MAP3K15: variants seen among roughly 807,000 people sequenced by gnomAD.
The protein encoded by MAP3K15 is MAPK/ERK kinase kinase 15.
MAP3K15 carries 124 observed loss-of-function variants against 99.5 expected under a neutral mutation model. The ratio of observed to expected loss-of-function variants is 1.25; its 90% confidence interval spans 1.08 to 1.45. The LOEUF (loss-of-function observed/expected upper bound fraction) is 1.45, where lower values mean the gene tolerates loss of function less well. Ranked by LOEUF, MAP3K15 falls within the 40% of genes most tolerant of loss-of-function variation. The probability of loss-of-function intolerance (pLI) is 0.00; values close to 1 mark genes in which losing one functional copy is unlikely to be tolerated. For synonymous variants in MAP3K15, 494 were observed against 439.6 expected, an observed-to-expected ratio of 1.12 and a Z score of -1.55; for missense variants, 1,242 against 1,079.7, an observed-to-expected ratio of 1.15 and a Z score of -2.11.
intron 28 of MAP3K15, 95 bp downstream of exon 28, chrX:19,361,244 T>G: frequency 4.1e-6 from 3 of 733,665 alleles, no homozygotes; most frequent in South Asian, 2.8e-5. Flanking sequence ...ACTCCAGAGT[T>G]TGGGGGGAGG....
chrX:19,456,116 C>T (rs1213120761), intron 6 of MAP3K15, among the ~76,000 whole-genome samples: 3 of 110,769 alleles, frequency 2.7e-5, no homozygotes, highest in African/African-American at 9.8e-5. Context: ...CACTGTTTGC[C>T]GATGTCTACT....
chrX:19,478,609 A>T (rs909641815), intron 3 of MAP3K15, among the ~76,000 whole-genome samples: 3 of 110,510 alleles, frequency 2.7e-5, no homozygotes, highest in African/African-American at 9.9e-5. Flanking sequence ...TTTTTCAAAG[A>T]ATTTCTAATT....
intron 25 of MAP3K15, among the ~76,000 whole-genome samples, chrX:19,366,674 C>T (rs1356217269): frequency 8.9e-6 from 1 of 111,879 alleles, no homozygotes; most frequent in Non-Finnish European, 1.9e-5. Context: ...ATTGTGAGGC[C>T]TCCCCAGCCT....
intron 15 of MAP3K15, 64 bp downstream of exon 15, chrX:19,398,162 G>A (rs757155786): frequency 3.2e-5 from 38 of 1,174,178 alleles, no homozygotes; most frequent in Admixed American, 9.1e-5. Flanking sequence ...CACCATGAGC[G>A]GTGGGTATGG....
At chrX:19,404,331 A>G (rs981930502) in intron 13 of MAP3K15, among the ~76,000 whole-genome samples, 1 of 112,316 alleles carries the variant, frequency 8.9e-6, no homozygotes, top group Non-Finnish European at 1.9e-5. Context: ...CTACAAAACT[A>G]TCATTGAAAG....
intron 2 of MAP3K15, among the ~76,000 whole-genome samples, chrX:19,487,948 C>G (rs1030841706): frequency 1.8e-5 from 2 of 110,402 alleles, no homozygotes; most frequent in African/African-American, 6.7e-5. Flanking sequence ...AAAAAATCTC[C>G]GTGCCTTGGT....
rs181407814 is a variant in MAP3K15, at chrX:19,504,323, G to A, written c.361+10578C>T. Among the ~76,000 whole-genome samples, 25 of 111,292 alleles carry A rather than the reference G, an allele frequency of 2.2e-4. No homozygotes were observed. In the East Asian group the frequency reaches 6.8e-3, roughly 30 times the overall value. On this transcript the variant is annotated intron_variant, in intron 1 of 28. Transcript: ENST00000338883. ...GCCACAACAGAGGCAGAGAGATGGA[G>A]GAGTGCGTCACCTAACTGCTTTAAG... is the stretch of plus-strand genomic sequence containing the variant.
chrX:19,379,930 T>C (rs896444227), intron 19 of MAP3K15, among the ~76,000 whole-genome samples, 190 bp downstream of exon 19: 3 of 111,513 alleles, frequency 2.7e-5, no homozygotes, highest in African/African-American at 9.8e-5. Context: ...ACAGTGAGAT[T>C]GCTTTCCATC....
At chrX:19,426,375 T>C (rs2063830266) in intron 7 of MAP3K15, 32 bp from the exon 8 acceptor site, 6 of 837,486 alleles carry the variant, frequency 7.2e-6, no homozygotes, top group Non-Finnish European at 8.0e-6. Flanking sequence ...AGTATTATTA[T>C]ATTACAACAA....
Position 19,464,292 on chromosome X carries a change from C to T in MAP3K15, c.640G>A (p.Asp214Asn). 2 of 1,199,998 alleles carry T rather than the reference C, an allele frequency of 1.7e-6. No homozygotes were observed. The highest frequency in any genetic ancestry group is 2.2e-6 in the Non-Finnish European group (2 of 895,042). Reference sequence around the variant, plus strand: ...ATGCACAGCGGGCCCAGGATGTTGTCCCAGTTGGGCTGCATGTACTCGGAG... The same window carrying T: ...ATGCACAGCGGGCCCAGGATGTTGTTCCAGTTGGGCTGCATGTACTCGGAG... ...RASEYMQPNW[D>N]NILGPLCMPL... Residue 214 changes from aspartate (D) to asparagine (N), a missense_variant, in exon 4 of 29, where the codon GAC becomes AAC. Physicochemically the swap from Asp to Asn is conservative, Grantham distance 23 (BLOSUM62 1). Coordinates refer to ENST00000338883, the MANE Select transcript of MAP3K15 (RefSeq NM_001001671.4).
chrX:19,403,447 T>C (rs2063623350), intron 13 of MAP3K15, among the ~76,000 whole-genome samples: 1 of 106,203 alleles, frequency 9.4e-6, no homozygotes, highest in Non-Finnish European at 1.9e-5. Flanking sequence ...CCTAGTCTGC[T>C]ATTTATTCTA....
intron 1 of MAP3K15, among the ~76,000 whole-genome samples, chrX:19,493,549 T>G (rs972918003): frequency 4.5e-5 from 5 of 111,436 alleles, no homozygotes; most frequent in Non-Finnish European, 9.4e-5. Context: ...TATAAATTGT[T>G]AATTGTAATA....
At chrX:19,380,527 G>A (rs1158107962) in intron 18 of MAP3K15, among the ~76,000 whole-genome samples, 3 of 111,396 alleles carry the variant, frequency 2.7e-5, no homozygotes, top group Admixed American at 1.9e-4. Context: ...TAATATGGTT[G>A]CTTCTTTTTT....
chrX:19,417,265 C>T (rs1027616860), intron 9 of MAP3K15, among the ~76,000 whole-genome samples: 5 of 112,627 alleles, frequency 4.4e-5, no homozygotes, highest in African/African-American at 6.4e-5. Flanking sequence ...ACCCGGGAAG[C>T]ACAAGGGGTC....
rs751407521 is a variant in MAP3K15 at position 19,425,546 on chromosome X, A to C, written c.1424T>G (p.Leu475Arg). 8.4e-7 allele frequency: 1 copy of C among 1,197,473 alleles called. No homozygotes were observed. Among genetic ancestry groups the C allele is most frequent in the East Asian group, 3.0e-5 (1 of 33,816 alleles). The change falls in exon 9 of 29, where the codon CTG (leucine) becomes CGG (arginine). Residue 475 changes from leucine (L) to arginine (R), a missense_variant. By Grantham distance (102) the Leu-to-Arg change is moderately radical. Transcript: ENST00000338883. Reference sequence around the variant, plus strand: ...CACAACTCACCAGACTGGAGGTTTCAGTTTGAACAACCTCTCTGCTGCCTG... The same window carrying C: ...CACAACTCACCAGACTGGAGGTTTCCGTTTGAACAACCTCTCTGCTGCCTG... ...AVQAAERLFKLKPPVWYLRSL... is the reference protein window; with the variant it reads ...AVQAAERLFKRKPPVWYLRSL...
chrX:19,375,198 C>T (rs2063408692), intron 19 of MAP3K15, among the ~76,000 whole-genome samples: 1 of 112,396 alleles, frequency 8.9e-6, no homozygotes, highest in South Asian at 3.6e-4. Context: ...TGGTTTGGTA[C>T]ATAGCAGTAG....
intron 9 of MAP3K15, among the ~76,000 whole-genome samples, chrX:19,417,241 C>A (rs776885227): frequency 8.9e-6 from 1 of 112,424 alleles, no homozygotes; most frequent in African/African-American, 3.2e-5. Flanking sequence ...TAAAGCAGGG[C>A]GAGGCACTGC....
At position 19,361,339 on chromosome X, in the gene MAP3K15, C is replaced by A. The variant is rs753516995; in HGVS notation, c.3857G>T (p.Arg1286Leu). The A allele has an allele frequency of 5.0e-6, 6 of 1,197,102 alleles. No individual in the cohort carries two copies. Among genetic ancestry groups the A allele is most frequent in the Non-Finnish European group, 3.4e-6 (3 of 883,732 alleles). The change falls in exon 28 of 29, where the codon CGG becomes CTG. Residue 1286 changes from arginine (R) to leucine (L), a missense_variant and splice_region_variant. Physicochemically the swap from Arg to Leu is moderately radical, Grantham distance 102. Transcript: ENST00000338883. ...ATACAAACTGTTTTGAGGCTCTTAC[C>A]GTAGTCGAAGGTATCTTAGATCTTC... Reference protein sequence around the residue: ...TKEDLRYLRLRGGLLCRLWSA... With the variant: ...TKEDLRYLRLLGGLLCRLWSA...
chrX:19,388,629 C>A (rs1214227716), intron 18 of MAP3K15, among the ~76,000 whole-genome samples: 1 of 112,071 alleles, frequency 8.9e-6, no homozygotes, highest in Non-Finnish European at 1.9e-5. Flanking sequence ...TGAGTAGGTA[C>A]AACGAGCATT....
Sources: gnomAD v4.1 joint callset for allele counts (sites outside exome capture counted in the v4.1 genomes callset) on GRCh38, gnomAD v4.1.1 for gene constraint, MANE v1.5 for transcripts, NCBI Gene and HGNC (gene_info 2026-07-23, HGNC 2026-07-21) for gene names.